IDE: variants seen among roughly 807,000 people sequenced by gnomAD.
The protein encoded by IDE is insulin-degrading enzyme.
In IDE, 58 loss-of-function variants were observed where a neutral mutation model predicts 133.2. The observed-to-expected ratio is 0.44, with a 90% CI of 0.35 to 0.54. IDE has a LOEUF of 0.54. Among genes scored for constraint, IDE ranks in the 20% least tolerant of loss-of-function variants. The pLI is 0.00. For missense variants in IDE, 981 were observed against 1,234.0 expected (o/e 0.79, Z 3.07); for synonymous variants, 396 against 421.3 (o/e 0.94, Z 0.73).
At chr10:92,512,120 T>G (rs564721755) in intron 5 of IDE, among the ~76,000 whole-genome samples, 2 of 152,338 alleles carry the variant, frequency 1.3e-5, no homozygotes, top group South Asian at 4.1e-4. Flanking sequence ...GTGTCTGTAC[T>G]TGATGATTAC....
intron 11 of IDE, among the ~76,000 whole-genome samples, chr10:92,494,168 C>T (rs185037985): frequency 5.9e-5 from 9 of 151,950 alleles, no homozygotes; most frequent in South Asian, 2.1e-4. Flanking sequence ...CTCAAGTGAT[C>T]CTCCTGCCTC....
chr10:92,459,770 T>C (rs1245601010), intron 22 of IDE, among the ~76,000 whole-genome samples: 2 of 151,956 alleles, frequency 1.3e-5, no homozygotes, highest in Non-Finnish European at 2.9e-5. Context: ...AATGGAAATT[T>C]TGCTATCCTT....
chr10:92,540,408 G>A (rs1307171177), intron 1 of IDE, among the ~76,000 whole-genome samples: 1 of 152,096 alleles, frequency 6.6e-6, no homozygotes, highest in Non-Finnish European at 1.5e-5. Context: ...ACTTAGCAGC[G>A]ACATAACACT....
intron 17 of IDE, among the ~76,000 whole-genome samples, chr10:92,470,812 A>T (rs1845926991): frequency 6.6e-6 from 1 of 152,238 alleles, no homozygotes; most frequent in African/African-American, 2.4e-5. Flanking sequence ...CACAAAGGTA[A>T]TGCGCCTTTC....
chr10:92,511,364 A>G (rs1194314762), intron 5 of IDE, among the ~76,000 whole-genome samples: 1 of 152,052 alleles, frequency 6.6e-6, no homozygotes, highest in African/African-American at 2.4e-5. Context: ...CAGCCTCCCA[A>G]AGTGCTGGAA....
chr10:92,546,317 A>C (rs749633331), intron 1 of IDE, among the ~76,000 whole-genome samples: 16 of 152,322 alleles, frequency 1.1e-4, no homozygotes, highest in Middle Eastern at 3.4e-3. Context: ...TTATACAGGT[A>C]CGTTCAGTTT....
chr10:92,501,361 T>TCAAAAAA (rs1564627755), intron 11 of IDE, among the ~76,000 whole-genome samples: 18 of 30,914 alleles, frequency 5.8e-4, no homozygotes, highest in African/African-American at 3.4e-3. Flanking sequence ...GACTCTGTCA[T>TCAAAAAA]TAAAAAAAAA....
chr10:92,522,182 G>T (rs773686522), intron 4 of IDE, among the ~76,000 whole-genome samples: 25 of 152,162 alleles, frequency 1.6e-4, no homozygotes, highest in Admixed American at 8.5e-4. Flanking sequence ...ACAGGATCAG[G>T]AGTCACTGAA....
chr10:92,469,013 G>C (rs374103212), intron 18 of IDE, 23 bp from the exon 19 acceptor site: 9 of 1,286,078 alleles, frequency 7.0e-6, no homozygotes, highest in African/African-American at 2.9e-5. Context: ...ATATGTCCCA[G>C]CATATTACAA....
chr10:92,487,330 A>T lies in IDE; in HGVS notation c.1534-12T>A. 1 of 1,607,372 alleles carries T rather than the reference A, an allele frequency of 6.2e-7. No homozygotes were observed. On this transcript the variant is annotated splice_polypyrimidine_tract_variant and intron_variant, in intron 12 of 24. Transcript: ENST00000265986. Reference sequence around the variant, plus strand: ...GCATTTTGCCATTTCTGGATGAATAATGAAACACACAAATGCAGTAAGAGT... The same window carrying T: ...GCATTTTGCCATTTCTGGATGAATATTGAAACACACAAATGCAGTAAGAGT...
At chr10:92,565,200 C>T (rs1175078412) in intron 1 of IDE, among the ~76,000 whole-genome samples, 2 of 149,276 alleles carry the variant, frequency 1.3e-5, no homozygotes, top group South Asian at 2.1e-4. Flanking sequence ...GTCAAGATCT[C>T]GCCACTGCAC....
At chr10:92,524,329 T>TATA (rs1849404904) in intron 4 of IDE, among the ~76,000 whole-genome samples, 1 of 57,910 alleles carries the variant, frequency 1.7e-5, no homozygotes, top group Admixed American at 3.5e-4. Context: ...AATATATTAT[T>TATA]ATATATATTA....
intron 3 of IDE, among the ~76,000 whole-genome samples, chr10:92,532,940 A>C (rs1218522429): frequency 6.6e-6 from 1 of 152,192 alleles, no homozygotes; most frequent in Admixed American, 6.5e-5. Flanking sequence ...ATATGATACT[A>C]TGCTAAGTAC....
At chr10:92,487,859 T>C (rs1262847621) in intron 12 of IDE, among the ~76,000 whole-genome samples, 1 of 152,196 alleles carries the variant, frequency 6.6e-6, no homozygotes, top group African/African-American at 2.4e-5. Context: ...TGCAGTGGCA[T>C]GATCTCAACT....
Position 92,519,066 on chromosome 10 carries a change from ATACT to A in IDE, c.662-4028_662-4025del, listed in dbSNP as rs561922539. Among the ~76,000 whole-genome samples, 757 of 152,304 alleles carry A rather than the reference ATACT, an allele frequency of 5.0e-3. 8 individuals are homozygous for A. Among genetic ancestry groups the A allele is most frequent in the African/African-American group, 0.017 (711 of 41,564 alleles). ...TAAAAATACTGAAGTATTTAACATAATACTTAATAAATAAACAACGGAAAATAAA... is the reference window on the plus strand; with the variant it reads ...TAAAAATACTGAAGTATTTAACATAATAATAAATAAACAACGGAAAATAAA... On this transcript the variant is annotated intron_variant, in intron 4 of 24. Coordinates refer to ENST00000265986, the MANE Select transcript of IDE (RefSeq NM_004969.4).
intron 22 of IDE, among the ~76,000 whole-genome samples, chr10:92,459,887 T>TGG (rs1354896394): frequency 2.1e-5 from 3 of 145,660 alleles, no homozygotes; most frequent in African/African-American, 7.7e-5. Context: ...TGGTGTGCAG[T>TGG]GGTGCGATCT....
At chr10:92,565,916 T>C (rs554181667) in intron 1 of IDE, among the ~76,000 whole-genome samples, 3 of 152,172 alleles carry the variant, frequency 2.0e-5, no homozygotes, top group Admixed American at 6.5e-5. Flanking sequence ...GTGAGCCCAG[T>C]TGAATTCATA....
intron 21 of IDE, among the ~76,000 whole-genome samples, chr10:92,462,005 T>C (rs979510232): frequency 2.0e-5 from 3 of 152,142 alleles, no homozygotes; most frequent in East Asian, 1.9e-4. Flanking sequence ...ACCATTTGCT[T>C]TGATTTCAAA....
At chr10:92,549,658 CTCAG>C (rs200852084) in intron 1 of IDE, among the ~76,000 whole-genome samples, 3,756 of 152,122 alleles carry the variant, frequency 0.025, 165 homozygotes, top group African/African-American at 0.083. Context: ...TTACTGAATA[CTCAG>C]TCAGTATCTT....
Sources: allele counts gnomAD v4.1 joint callset (sites outside exome capture counted in the v4.1 genomes callset), GRCh38; gene constraint gnomAD v4.1.1; transcripts MANE v1.5; gene names NCBI Gene and HGNC (gene_info 2026-07-23, HGNC 2026-07-21).